EYS: variants seen among roughly 807,000 people sequenced by gnomAD.
EYS encodes EGF-like photoreceptor maintenance factor, also known as protein eyes shut homolog.
EYS carries 250 observed loss-of-function variants against 282.1 expected under a neutral mutation model. The ratio of observed to expected loss-of-function variants is 0.89; its 90% CI spans 0.80 to 0.98. The LOEUF is 0.98. Among genes scored for constraint, EYS ranks in the 50% least tolerant of loss-of-function variants. The probability of loss-of-function intolerance (pLI) is 0.00; values close to 1 mark genes in which losing one functional copy is unlikely to be tolerated. For missense variants in EYS, 4,016 were observed against 3,709.0 expected (o/e 1.08, Z -2.15); for synonymous variants, 1,355 against 1,282.9 (o/e 1.06, Z -1.20).
intron 19 of EYS, among the ~76,000 whole-genome samples, chr6:64,883,492 G>A (rs1766988944): frequency 6.8e-6 from 1 of 147,986 alleles, no homozygotes; most frequent in Non-Finnish European, 1.5e-5. Context: ...ATGACTACAT[G>A]TAATCACATT....
chr6:63,997,743 A>G (rs550462636), intron 34 of EYS, among the ~76,000 whole-genome samples: 2 of 152,338 alleles, frequency 1.3e-5, no homozygotes, highest in South Asian at 4.1e-4. Context: ...TAACATTTTC[A>G]ACAACAAAAA....
intron 7 of EYS, among the ~76,000 whole-genome samples, chr6:65,388,432 T>A (rs1765881531): frequency 6.6e-6 from 1 of 151,804 alleles, no homozygotes; most frequent in Admixed American, 6.6e-5. Context: ...TGAGAAGAGG[T>A]ATTTCAAGGC....
chr6:64,847,117 G>T (rs548950939), intron 19 of EYS, among the ~76,000 whole-genome samples: 4 of 152,172 alleles, frequency 2.6e-5, no homozygotes, highest in African/African-American at 9.6e-5. Flanking sequence ...ATTTTCTCCT[G>T]CCTTGAGACT....
chr6:64,668,573 A>G (rs1157559933), intron 22 of EYS, among the ~76,000 whole-genome samples: 1 of 118,562 alleles, frequency 8.4e-6, no homozygotes, highest in Non-Finnish European at 1.7e-5. Context: ...TTTTCGGGAC[A>G]GAGTCTCGCT....
rs1044614659 is a variant in EYS, at chr6:64,997,779, T to G, written c.2138-76A>C. 6 of 1,357,690 alleles carry G rather than the reference T, an allele frequency of 4.4e-6. No individual in the cohort carries two copies. The African/African-American group carries it at 8.8e-5, about 20-fold the overall frequency. The allele number at this position is 1,357,690 out of a possible 1,614,324, so 84.1% of individuals were successfully genotyped here. A position where few individuals can be genotyped will look rare whatever the true frequency, so the allele number is the denominator to read the frequency against. On this transcript the variant is annotated intron_variant, in intron 13 of 42. Coordinates refer to ENST00000503581, the MANE Select transcript of EYS (RefSeq NM_001142800.2). ...CAGGTAATTATAATTAGTCTAAAAT[T>G]CTATAATCATTTATGTAGTTCACTT...
chr6:64,469,645 T>C (rs917955940), intron 26 of EYS, among the ~76,000 whole-genome samples: 1 of 151,982 alleles, frequency 6.6e-6, no homozygotes, highest in African/African-American at 2.4e-5. Flanking sequence ...CGGACCGTAG[T>C]CTAGGGATAG....
chr6:64,872,530 A>G (rs9354179), intron 19 of EYS, among the ~76,000 whole-genome samples: 23,583 of 151,944 alleles, frequency 0.16, 2,152 homozygotes, highest in East Asian at 0.49. Flanking sequence ...TGGAAGTGGA[A>G]GTCAAGATGC....
intron 26 of EYS, among the ~76,000 whole-genome samples, chr6:64,536,160 T>C (rs1340075367): frequency 6.6e-6 from 1 of 152,130 alleles, no homozygotes; most frequent in Non-Finnish European, 1.5e-5. Context: ...TTTTCATTCA[T>C]ATCTTTTTGA....
chr6:63,735,956 C>T (rs1371738343), intron 41 of EYS, among the ~76,000 whole-genome samples: 4 of 152,090 alleles, frequency 2.6e-5, no homozygotes, highest in South Asian at 2.1e-4. Flanking sequence ...GTAGAAATGA[C>T]GTGCACATCA....
rs187495389 is a variant in EYS at position 63,922,523 on chromosome 6, A to G, written c.7056-58165T>C. 2.9e-3 allele frequency among the ~76,000 whole-genome samples: 438 copies of G among 152,294 alleles called. 1 individual carries two copies. Among genetic ancestry groups the G allele is most frequent in the African/African-American group, 9.4e-3 (391 of 41,566 alleles). On this transcript the variant is annotated intron_variant, in intron 35 of 42. Coordinates refer to ENST00000503581, the MANE Select transcript of EYS (RefSeq NM_001142800.2). Reference sequence around the variant, plus strand: ...GGTTGCAGTGAGCCAAGATCATGCCACTGCACTCCAGCCTGGGTGACAGAA... The same window carrying G: ...GGTTGCAGTGAGCCAAGATCATGCCGCTGCACTCCAGCCTGGGTGACAGAA...
chr6:64,648,615 T>C (rs1768440198), intron 22 of EYS, among the ~76,000 whole-genome samples: 1 of 152,102 alleles, frequency 6.6e-6, no homozygotes, highest in Admixed American at 6.6e-5. Flanking sequence ...TCAAATCATG[T>C]GGAAATGTCA....
intron 35 of EYS, among the ~76,000 whole-genome samples, chr6:63,959,085 A>T (rs1765945877): frequency 6.6e-6 from 1 of 152,196 alleles, no homozygotes; most frequent in South Asian, 2.1e-4. Context: ...CAGGCATCGT[A>T]TAGAATGGGA....
chr6:63,873,993 G>A (rs925274101), intron 35 of EYS, among the ~76,000 whole-genome samples: 3 of 152,100 alleles, frequency 2.0e-5, no homozygotes, highest in African/African-American at 7.2e-5. Flanking sequence ...AAGCTCTTTA[G>A]TTTAATTAGA....
At chr6:64,277,397 T>C (rs1768150117) in intron 30 of EYS, among the ~76,000 whole-genome samples, 1 of 152,138 alleles carries the variant, frequency 6.6e-6, no homozygotes, top group Admixed American at 6.5e-5. Flanking sequence ...AAGTACTCAT[T>C]ATCAAGGCCA....
chr6:64,449,715 G>T (rs1422824617), intron 26 of EYS, among the ~76,000 whole-genome samples: 1 of 152,166 alleles, frequency 6.6e-6, no homozygotes, highest in East Asian at 1.9e-4. Context: ...CATTCTTAAA[G>T]AAAAGAATTT....
chr6:65,565,401 C>G (rs576624766), intron 2 of EYS, among the ~76,000 whole-genome samples: 2 of 152,022 alleles, frequency 1.3e-5, no homozygotes, highest in South Asian at 4.2e-4. Flanking sequence ...CAATGAGATA[C>G]CATCTTACGC....
At chr6:65,280,867 T>A (rs57348078) in intron 12 of EYS, among the ~76,000 whole-genome samples, 4,478 of 141,012 alleles carry the variant, frequency 0.032, 163 homozygotes, top group African/African-American at 0.1. Flanking sequence ...AAAAAAAAAA[T>A]ATATATATAT....
chr6:64,737,528 A>T (rs1030675579), intron 22 of EYS, among the ~76,000 whole-genome samples: 3 of 152,192 alleles, frequency 2.0e-5, no homozygotes, highest in African/African-American at 7.2e-5. Context: ...AGCCACAAAG[A>T]TGGCATCACA....
intron 29 of EYS, among the ~76,000 whole-genome samples, chr6:64,319,378 T>C (rs1770112885): frequency 6.6e-6 from 1 of 151,884 alleles, no homozygotes; most frequent in Non-Finnish European, 1.5e-5. Context: ...AATCTAGCAA[T>C]ACCAATTGAT....
Sources: gnomAD v4.1 joint callset for allele counts (sites outside exome capture counted in the v4.1 genomes callset) on GRCh38, gnomAD v4.1.1 for gene constraint, MANE v1.5 for transcripts, NCBI Gene and HGNC (gene_info 2026-07-23, HGNC 2026-07-21) for gene names.